Variants in GPR158 observed in about 807,000 individuals in gnomAD.
GPR158 encodes metabotropic glycine receptor.
A neutral mutation model predicts 78.2 loss-of-function variants in GPR158; 30 were observed. The ratio of observed to expected loss-of-function variants is 0.38; its 90% CI spans 0.29 to 0.52. The LOEUF (loss-of-function observed/expected upper bound fraction) is 0.52. Ranked by LOEUF, GPR158 falls within the 20% of genes least tolerant of loss-of-function variation. The pLI is 0.83. For synonymous variants in GPR158, 581 were observed against 591.1 expected (o/e 0.98, Z 0.25); for missense variants, 1,463 against 1,523.5 (o/e 0.96, Z 0.66).
intron 4 of GPR158, among the ~76,000 whole-genome samples, chr10:25,449,164 G>T (rs35288024): frequency 0.059 from 8,985 of 152,042 alleles, 558 homozygotes; most frequent in African/African-American, 0.16. Flanking sequence ...ATAATGCTGC[G>T]CATGAAGCTT....
chr10:25,266,119 G>T (rs1310575740), intron 2 of GPR158, among the ~76,000 whole-genome samples: 1 of 152,062 alleles, frequency 6.6e-6, no homozygotes, highest in Admixed American at 6.6e-5. Context: ...GTTAATCCCT[G>T]TAGCCTTCAG....
At chr10:25,471,813 GT>G (rs1835508189) in intron 5 of GPR158, among the ~76,000 whole-genome samples, 1 of 152,184 alleles carries the variant, frequency 6.6e-6, no homozygotes, top group East Asian at 1.9e-4. Context: ...GGGGTTGTTT[GT>G]TTTTTTCTTG....
At chr10:25,541,554 C>G (rs1267852782) in intron 5 of GPR158, among the ~76,000 whole-genome samples, 1 of 151,440 alleles carries the variant, frequency 6.6e-6, no homozygotes, top group Non-Finnish European at 1.5e-5. Context: ...CTTTTGTGCA[C>G]CTGTAACTGA....
At chr10:25,337,588 G>A (rs1426327691) in intron 2 of GPR158, among the ~76,000 whole-genome samples, 1 of 151,950 alleles carries the variant, frequency 6.6e-6, no homozygotes, top group Non-Finnish European at 1.5e-5. Flanking sequence ...AATGATGCAG[G>A]TATGAACAGT....
intron 5 of GPR158, among the ~76,000 whole-genome samples, chr10:25,517,099 T>G (rs1045869861): frequency 1.3e-5 from 2 of 149,256 alleles, no homozygotes; most frequent in African/African-American, 2.6e-5. Context: ...CCCTTGTAAG[T>G]TGGATTCCTA....
intron 2 of GPR158, among the ~76,000 whole-genome samples, chr10:25,324,189 T>A (rs1193587476): frequency 6.6e-6 from 1 of 152,272 alleles, no homozygotes; most frequent in Non-Finnish European, 1.5e-5. Context: ...CTTGGCTAAC[T>A]GTTTCGCACG....
chr10:25,278,472 TG>T (rs1454622822), intron 2 of GPR158, among the ~76,000 whole-genome samples: 1 of 151,994 alleles, frequency 6.6e-6, no homozygotes, highest in Non-Finnish European at 1.5e-5. Flanking sequence ...ATTAGTAGAC[TG>T]AAAAAATAGA....
At chr10:25,313,761 T>A (rs938799960) in intron 2 of GPR158, among the ~76,000 whole-genome samples, 3 of 152,204 alleles carry the variant, frequency 2.0e-5, no homozygotes, top group African/African-American at 7.2e-5. Context: ...TAGTTTTTGC[T>A]GATATTGATA....
chr10:25,226,204 A>C (rs1262510065), intron 2 of GPR158, among the ~76,000 whole-genome samples: 2 of 152,154 alleles, frequency 1.3e-5, no homozygotes, highest in Non-Finnish European at 2.9e-5. Context: ...TGAAGTTTAA[A>C]CCAATTAAAC....
At chr10:25,368,200 T>C (rs1011219939) in intron 2 of GPR158, among the ~76,000 whole-genome samples, 1 of 151,876 alleles carries the variant, frequency 6.6e-6, no homozygotes, top group Non-Finnish European at 1.5e-5. Context: ...TTCTCCAGTT[T>C]TGTGGAGTTA....
At chr10:25,280,808 A>G (rs1854258331) in intron 2 of GPR158, among the ~76,000 whole-genome samples, 2 of 152,174 alleles carry the variant, frequency 1.3e-5, no homozygotes, top group South Asian at 4.1e-4. Context: ...TTAAAGAGCT[A>G]GTATACTGAC....
At chr10:25,389,316 C>G (rs145663739) in intron 2 of GPR158, among the ~76,000 whole-genome samples, 3 of 152,060 alleles carry the variant, frequency 2.0e-5, no homozygotes, top group Admixed American at 2.0e-4. Context: ...AGCTGCCCAC[C>G]CCAGGGTCTC....
intron 4 of GPR158, among the ~76,000 whole-genome samples, chr10:25,458,387 A>G (rs945620608): frequency 1.3e-5 from 2 of 152,190 alleles, no homozygotes; most frequent in Middle Eastern, 3.2e-3. Flanking sequence ...TTACATTATT[A>G]CATATTCTGT....
intron 6 of GPR158, among the ~76,000 whole-genome samples, chr10:25,565,050 A>ACTCT (rs923187492): frequency 3.3e-5 from 5 of 152,120 alleles, no homozygotes; most frequent in Non-Finnish European, 5.9e-5. Context: ...GCTAATGTTT[A>ACTCT]CTCTCACATC....
chr10:25,270,342 C>T (rs971472598), intron 2 of GPR158, among the ~76,000 whole-genome samples: 10 of 151,760 alleles, frequency 6.6e-5, no homozygotes, highest in Non-Finnish European at 1.2e-4. Context: ...TTTTTTCCTC[C>T]GATGTGCAGG....
intron 5 of GPR158, among the ~76,000 whole-genome samples, chr10:25,468,183 T>TG (rs1235161163): frequency 6.6e-6 from 1 of 152,152 alleles, no homozygotes; most frequent in Non-Finnish European, 1.5e-5. Flanking sequence ...AAGGAGTGTT[T>TG]GGGGGCGTTC....
intron 2 of GPR158, among the ~76,000 whole-genome samples, chr10:25,361,860 A>G (rs184016428): frequency 6.6e-6 from 1 of 152,014 alleles, no homozygotes; most frequent in African/African-American, 2.4e-5. Flanking sequence ...TTTATGTATT[A>G]TATAATTTTG....
chr10:25,206,571 T>A (rs188138168), intron 1 of GPR158, among the ~76,000 whole-genome samples: 90 of 152,298 alleles, frequency 5.9e-4, no homozygotes, highest in Non-Finnish European at 1.1e-3. Flanking sequence ...ATTGATAACA[T>A]TTTGATATAT....
chr10:25,546,073 G>A (rs1057408190), intron 5 of GPR158, among the ~76,000 whole-genome samples: 1 of 152,060 alleles, frequency 6.6e-6, no homozygotes, highest in South Asian at 2.1e-4. Context: ...ATGAATGCCC[G>A]CCCTGAGCTG....
Sources: gnomAD v4.1 joint callset for allele counts (sites outside exome capture counted in the v4.1 genomes callset) on GRCh38, gnomAD v4.1.1 for gene constraint, MANE v1.5 for transcripts, NCBI Gene and HGNC (gene_info 2026-07-23, HGNC 2026-07-21) for gene names.